Variants in PHAF1 observed in about 807,000 individuals in gnomAD.
PHAF1 encodes phagophore assembly factor 1.
PHAF1 carries 23 observed loss-of-function variants against 63.1 expected under a neutral mutation model. The ratio of observed to expected loss-of-function variants is 0.36; its 90% CI spans 0.26 to 0.52. The LOEUF is 0.52. PHAF1 is among the 20% of genes least tolerant of loss of function. The pLI is 0.93. For synonymous variants in PHAF1, 167 were observed against 185.0 expected (o/e 0.90, Z 0.79); for missense variants, 427 against 517.2 (o/e 0.83, Z 1.69).
intron 3 of PHAF1, among the ~76,000 whole-genome samples, chr16:67,130,666 A>G (rs1360971469): frequency 1.3e-5 from 2 of 152,218 alleles, no homozygotes; most frequent in Non-Finnish European, 2.9e-5. Flanking sequence ...GCTATTTTCT[A>G]AAGCAACCCG....
chr16:67,138,048 T>C lies in PHAF1; in HGVS notation c.662-1936T>C, dbSNP rs541586691. On this transcript the variant is annotated intron_variant, in intron 8 of 15. Transcript: ENST00000219139. ...ACAATAATTTGTAGAAAGATACACT[T>C]TGGGGAATCACAATCTAAAAAGTAG... Among the ~76,000 whole-genome samples the C allele has an allele frequency of 3.2e-4, 49 of 152,234 alleles. No individual in the cohort carries two copies. The South Asian group carries it at 5.4e-3, about 17-fold the overall frequency.
intron 1 of PHAF1, among the ~76,000 whole-genome samples, chr16:67,117,847 C>G (rs951197984): frequency 8.7e-5 from 13 of 148,742 alleles, no homozygotes; most frequent in African/African-American, 3.0e-4. Context: ...GCACCTGGCT[C>G]TGTCACCCAG....
intron 8 of PHAF1, among the ~76,000 whole-genome samples, chr16:67,138,151 C>G (rs1963676645): frequency 6.6e-6 from 1 of 151,998 alleles, no homozygotes. Context: ...GGGTGCCTTC[C>G]TTACAGCCCC....
chr16:67,134,430 T>C lies in PHAF1; in HGVS notation c.624T>C (p.Thr208=). Reference sequence around the variant, plus strand: ...GTGTAGATGTTCTTCGAGATGGAACTGGACCTGCAGGTTTACGACTTCGCC... The same window carrying C: ...GTGTAGATGTTCTTCGAGATGGAACCGGACCTGCAGGTTTACGACTTCGCC... ...AESVDVLRDG[T]GPAGLRLRLL... is the part of the protein sequence containing the mutation. Residue 208 remains threonine, a synonymous_variant, in exon 8 of 16, where the codon ACT becomes ACC. Transcript: ENST00000219139. 3.1e-6 allele frequency: 5 copies of C among 1,613,936 alleles called. No individual in the cohort carries two copies. Among genetic ancestry groups the C allele is most frequent in the Non-Finnish European group, 3.4e-6 (4 of 1,179,910 alleles).
intron 3 of PHAF1, among the ~76,000 whole-genome samples, chr16:67,129,117 T>C (rs1963298488): frequency 6.6e-6 from 1 of 152,210 alleles, no homozygotes; most frequent in African/African-American, 2.4e-5. Context: ...GGCATGCCAG[T>C]TTGGCATGAT....
rs531107327 is a variant in PHAF1, at chr16:67,145,463, G to A, written c.1050+44G>A. 5 of 1,613,636 alleles carry A rather than the reference G, an allele frequency of 3.1e-6. No homozygotes were observed. In the South Asian group the frequency reaches 4.4e-5, roughly 14 times the overall value. On this transcript the variant is annotated intron_variant, in intron 13 of 15. Coordinates refer to ENST00000219139, the MANE Select transcript of PHAF1 (RefSeq NM_025187.5). ...ACCTGGCATAGCCTGAGAATGAGGT[G>A]GACATGAGCCTGCAGGCAGTATGGG... is the stretch of plus-strand genomic sequence containing the variant.
intron 4 of PHAF1, 81 bp from the exon 5 acceptor site, chr16:67,132,365 T>C (rs918567197): frequency 8.0e-7 from 1 of 1,250,692 alleles, no homozygotes; most frequent in Non-Finnish European, 1.1e-6. Context: ...GTCTTAAAAA[T>C]AACTCTCCCA....
intron 6 of PHAF1, 66 bp from the exon 7 acceptor site, chr16:67,134,102 G>C: frequency 7.4e-7 from 1 of 1,350,588 alleles, no homozygotes; most frequent in Non-Finnish European, 1.1e-6. Context: ...GAGTGACAGG[G>C]AAGACCAGAG....
chr16:67,123,556 G>C (rs1963068186), intron 2 of PHAF1, among the ~76,000 whole-genome samples: 1 of 152,134 alleles, frequency 6.6e-6, no homozygotes, highest in Non-Finnish European at 1.5e-5. Context: ...CTAGGCAACA[G>C]AGTGAGACTC....
rs1597215397 is a variant in PHAF1 at position 67,141,571 on chromosome 16, G to A, written c.879+977G>A. ...CCCATGCCTGCCAAGGGCAAGCCAG[G>A]CATGGAGTGGCAAGGGGTGTGTGAG... is the stretch of plus-strand genomic sequence containing the variant. On this transcript the variant is annotated intron_variant, in intron 10 of 15. Coordinates refer to ENST00000219139, the MANE Select transcript of PHAF1 (RefSeq NM_025187.5). Among the ~76,000 whole-genome samples the A allele has an allele frequency of 2.0e-5, 3 of 152,234 alleles. No individual in the cohort carries two copies. The South Asian group carries it at 6.2e-4, about 31-fold the overall frequency.
At chr16:67,113,450 T>TC (rs1241824334) in intron 1 of PHAF1, among the ~76,000 whole-genome samples, 1 of 151,180 alleles carries the variant, frequency 6.6e-6, no homozygotes, top group Non-Finnish European at 1.5e-5. Context: ...TTTTTCTTTT[T>TC]CTTTTTTTTT....
At chr16:67,115,232 G>C (rs987910896) in intron 1 of PHAF1, among the ~76,000 whole-genome samples, 3 of 152,210 alleles carry the variant, frequency 2.0e-5, no homozygotes, top group Admixed American at 6.5e-5. Context: ...GAGGTATTGA[G>C]GTGAACAAGA....
intron 10 of PHAF1, among the ~76,000 whole-genome samples, chr16:67,142,730 G>A (rs552068792): frequency 6.6e-6 from 1 of 152,352 alleles, no homozygotes; most frequent in African/African-American, 2.4e-5. Context: ...GTCTGGAGCT[G>A]CAGCTGGGAG....
At position 67,134,398 on chromosome 16, in the gene PHAF1, G is replaced by A. The variant is rs1396046954; in HGVS notation, c.592G>A (p.Ala198Thr). Residue 198 changes from alanine (A) to threonine (T), a missense_variant, in exon 8 of 16, where the codon GCT (alanine) becomes ACT (threonine). Physicochemically the swap from Ala to Thr is moderately conservative, Grantham distance 58. Coordinates refer to ENST00000219139, the MANE Select transcript of PHAF1 (RefSeq NM_025187.5). ...GAGCTGTTTCCTGGGCAATGTCTAT[G>A]CTGAGAGTGTAGATGTTCTTCGAGA... Reference protein sequence around the residue: ...PLSCFLGNVYAESVDVLRDGT... With the variant: ...PLSCFLGNVYTESVDVLRDGT... 1 of 1,614,198 alleles carries A rather than the reference G, an allele frequency of 6.2e-7. No homozygotes were observed. The highest frequency in any genetic ancestry group is 8.5e-7 in the Non-Finnish European group (1 of 1,180,020).
At chr16:67,123,337 G>GAGTTT (rs1963060038) in intron 2 of PHAF1, among the ~76,000 whole-genome samples, 1 of 151,986 alleles carries the variant, frequency 6.6e-6, no homozygotes, top group Non-Finnish European at 1.5e-5. Flanking sequence ...AGCAGTTTAG[G>GAGTTT]AGGCCGAGAC....
chr16:67,137,448 A>G (rs905281038), intron 8 of PHAF1, among the ~76,000 whole-genome samples: 3 of 152,100 alleles, frequency 2.0e-5, no homozygotes, highest in African/African-American at 7.2e-5. Flanking sequence ...CCTCCCAAGT[A>G]TCTGGGATTA....
intron 1 of PHAF1, among the ~76,000 whole-genome samples, chr16:67,113,607 G>A (rs1326304334): frequency 6.6e-6 from 1 of 150,926 alleles, no homozygotes; most frequent in African/African-American, 2.4e-5. Context: ...CCGCCACCAC[G>A]CCCAGCTAAT....
At chr16:67,121,909 T>G (rs1962994679) in intron 2 of PHAF1, among the ~76,000 whole-genome samples, 1 of 151,964 alleles carries the variant, frequency 6.6e-6, no homozygotes, top group African/African-American at 2.4e-5. Flanking sequence ...TTTATTTTAG[T>G]TTTTTTGAGA....
At position 67,139,961 on chromosome 16, in the gene PHAF1, CCTCT is replaced by C. The variant is rs779780108; in HGVS notation, c.662-20_662-17del. The C allele has an allele frequency of 5.0e-6, 8 of 1,613,894 alleles. No homozygotes were observed. Among genetic ancestry groups the C allele is most frequent in the Non-Finnish European group, 6.8e-6 (8 of 1,179,922 alleles). Reference sequence around the variant, plus strand: ...TCTGGTCCTAACCATAACCTGACAACCTCTCTGTCTTGTTTTTTGCAGGTTGTGG... The same window carrying C: ...TCTGGTCCTAACCATAACCTGACAACCTGTCTTGTTTTTTGCAGGTTGTGG... On this transcript the variant is annotated intron_variant, in intron 8 of 15. Coordinates refer to ENST00000219139, the MANE Select transcript of PHAF1 (RefSeq NM_025187.5).
Sources: allele counts gnomAD v4.1 joint callset (sites outside exome capture counted in the v4.1 genomes callset), GRCh38; gene constraint gnomAD v4.1.1; transcripts MANE v1.5; gene names NCBI Gene and HGNC (gene_info 2026-07-23, HGNC 2026-07-21).